The following WWOX variants were observed in gnomAD, a reference collection of about 807,000 sequenced individuals.
The protein encoded by WWOX is WW domain containing oxidoreductase, also known as WW domain-containing oxidoreductase.
Under a neutral mutation model 46.2 loss-of-function variants are expected in WWOX, and 69 were observed. That is an observed-to-expected ratio of 1.49 (90% CI 1.23 to 1.82). WWOX has a LOEUF of 1.82. Ranked by LOEUF, WWOX falls within the 40% of genes most tolerant of loss-of-function variation. The probability of loss-of-function intolerance (pLI) is 0.00; values close to 1 mark genes in which losing one functional copy is unlikely to be tolerated. For synonymous variants in WWOX, 359 were observed against 202.6 expected, an observed-to-expected ratio of 1.77 and a Z score of -6.56; for missense variants, 919 against 542.6, an observed-to-expected ratio of 1.69 and a Z score of -6.89.
At chr16:78,765,552 G>T (rs550084900) in intron 8 of WWOX, among the ~76,000 whole-genome samples, 1 of 152,092 alleles carries the variant, frequency 6.6e-6, no homozygotes, top group South Asian at 2.1e-4. Context: ...GATAGCGGGC[G>T]CCTGTAATCC....
intron 8 of WWOX, among the ~76,000 whole-genome samples, chr16:78,616,234 A>G (rs1198366171): frequency 6.6e-6 from 1 of 151,292 alleles, no homozygotes; most frequent in Non-Finnish European, 1.5e-5. Flanking sequence ...TTTTTTAATT[A>G]TATAAGCAAG....
At chr16:78,723,995 G>A (rs538226416) in intron 8 of WWOX, among the ~76,000 whole-genome samples, 5 of 152,144 alleles carry the variant, frequency 3.3e-5, no homozygotes, top group Non-Finnish European at 7.4e-5. Context: ...CTCTGATTCA[G>A]GCTCAGCAGG....
At chr16:79,066,944 T>A (rs1277541334) in intron 8 of WWOX, among the ~76,000 whole-genome samples, 1 of 152,054 alleles carries the variant, frequency 6.6e-6, no homozygotes, top group Non-Finnish European at 1.5e-5. Context: ...GACTGGCTTG[T>A]TGGCAGAGAT....
intron 8 of WWOX, among the ~76,000 whole-genome samples, chr16:78,804,042 C>G (rs1021484700): frequency 6.6e-6 from 1 of 152,054 alleles, no homozygotes; most frequent in Admixed American, 6.5e-5. Context: ...GATGGAAACA[C>G]TTCTTTCCTT....
intron 8 of WWOX, among the ~76,000 whole-genome samples, chr16:78,950,974 C>A (rs1452559491): frequency 6.6e-6 from 1 of 152,204 alleles, no homozygotes; most frequent in Non-Finnish European, 1.5e-5. Flanking sequence ...CAGCCCCGCT[C>A]AACCGCCTCT....
intron 8 of WWOX, among the ~76,000 whole-genome samples, chr16:78,582,471 G>A (rs2045083948): frequency 6.6e-6 from 1 of 152,086 alleles, no homozygotes; most frequent in Non-Finnish European, 1.5e-5. Context: ...GACGTTGATT[G>A]GCTTGCCTAC....
chr16:78,270,335 A>T (rs2079451193), intron 5 of WWOX: 1 of 152,190 alleles, frequency 6.6e-6, no homozygotes, highest in Non-Finnish European at 1.5e-5. Context: ...AGGTACAGAT[A>T]GTGTCTCCCT....
At chr16:78,673,462 C>T (rs547803325) in intron 8 of WWOX, among the ~76,000 whole-genome samples, 5 of 152,218 alleles carry the variant, frequency 3.3e-5, no homozygotes, top group South Asian at 4.1e-4. Flanking sequence ...CACCATAACA[C>T]GAAACCCCTC....
intron 8 of WWOX, among the ~76,000 whole-genome samples, chr16:78,653,390 G>A (rs935499493): frequency 2.0e-5 from 3 of 152,174 alleles, no homozygotes; most frequent in Non-Finnish European, 4.4e-5. Context: ...AATAATAGAT[G>A]ACTCCCCAAA....
At chr16:79,037,862 G>T (rs1172290870) in intron 8 of WWOX, among the ~76,000 whole-genome samples, 2 of 152,148 alleles carry the variant, frequency 1.3e-5, no homozygotes, top group African/African-American at 4.8e-5. Context: ...CCTGCTCTCT[G>T]GGTGGCCGAC....
chr16:78,881,028 T>C (rs1380142784), intron 8 of WWOX, among the ~76,000 whole-genome samples: 1 of 141,512 alleles, frequency 7.1e-6, no homozygotes, highest in Non-Finnish European at 1.5e-5. Flanking sequence ...AGTCTCGCCC[T>C]GTTGCCAGGC....
chr16:78,760,024 T>A (rs1282136152), intron 8 of WWOX, among the ~76,000 whole-genome samples: 1 of 152,136 alleles, frequency 6.6e-6, no homozygotes, highest in Non-Finnish European at 1.5e-5. Context: ...TCATCCAGGA[T>A]GTATTTGTCT....
chr16:79,086,140 A>G (rs539274903), intron 8 of WWOX, among the ~76,000 whole-genome samples: 37 of 152,260 alleles, frequency 2.4e-4, no homozygotes, highest in African/African-American at 6.3e-4. Flanking sequence ...GCTGCTCTCA[A>G]TGTTCTTTAA....
intron 8 of WWOX, among the ~76,000 whole-genome samples, chr16:78,816,777 T>C (rs181280872): frequency 1.6e-3 from 237 of 152,240 alleles, no homozygotes; most frequent in African/African-American, 5.4e-3. Flanking sequence ...GCTCAGTTTT[T>C]TTTGGTTTCT....
intron 8 of WWOX, among the ~76,000 whole-genome samples, chr16:79,098,856 A>C (rs902377549): frequency 6.6e-6 from 1 of 152,184 alleles, no homozygotes; most frequent in African/African-American, 2.4e-5. Context: ...ATATCTTTTA[A>C]AATTTCTACT....
chr16:79,209,345 A>G (rs1043239879), intron 8 of WWOX, among the ~76,000 whole-genome samples: 39 of 152,352 alleles, frequency 2.6e-4, no homozygotes, highest in Middle Eastern at 6.8e-3. Context: ...GCAACGTGGT[A>G]TCATTACAGT....
At chr16:78,407,034 G>C (rs1018850198) in intron 6 of WWOX, among the ~76,000 whole-genome samples, 11 of 152,234 alleles carry the variant, frequency 7.2e-5, no homozygotes, top group African/African-American at 2.7e-4. Context: ...GATTGCTGAA[G>C]TAGATTTGAC....
chr16:78,336,657 T>G (rs2080896185), intron 5 of WWOX, among the ~76,000 whole-genome samples: 2 of 152,158 alleles, frequency 1.3e-5, no homozygotes, highest in East Asian at 1.9e-4. Context: ...TAGTTCCAGC[T>G]GCCTGTTGCC....
intron 8 of WWOX, among the ~76,000 whole-genome samples, chr16:78,753,770 C>A (rs575871894): frequency 1.7e-5 from 2 of 120,370 alleles, no homozygotes; most frequent in East Asian, 5.1e-4. Flanking sequence ...CCACTGCAGT[C>A]AAGCCTGGGT....
Sources: allele counts gnomAD v4.1 joint callset (sites outside exome capture counted in the v4.1 genomes callset), GRCh38; gene constraint gnomAD v4.1.1; transcripts MANE v1.5; gene names NCBI Gene and HGNC (gene_info 2026-07-23, HGNC 2026-07-21).